The following AXIN1 variants were observed in gnomAD, a reference collection of about 807,000 sequenced individuals.
AXIN1 encodes axin 1.
Under a neutral mutation model 76.4 loss-of-function variants are expected in AXIN1, and 30 were observed. The ratio of observed to expected loss-of-function variants is 0.39; its 90% confidence interval spans 0.29 to 0.53. AXIN1 has a LOEUF of 0.53. Ranked by LOEUF, AXIN1 falls within the 20% of genes least tolerant of loss-of-function variation. AXIN1 has a pLI of 0.66. For missense variants in AXIN1, 1,140 were observed against 1,198.8 expected (o/e 0.95, Z 0.72); for synonymous variants, 545 against 501.4 (o/e 1.09, Z -1.16).
In AXIN1 at chr16:291,269, G is replaced by C. The variant is rs371093196; in HGVS notation, c.2215C>G (p.Arg739Gly). ...RYVQEVMRRG[R>G]ACVRPACAPV... Reference sequence around the variant, plus strand: ...GCGCACGCTGGCCTGACGCAGGCGCGTCCCCGCCGCATAACCTCCTGCACA... The same window carrying C: ...GCGCACGCTGGCCTGACGCAGGCGCCTCCCCGCCGCATAACCTCCTGCACA... Residue 739 changes from arginine (R) to glycine (G), a missense_variant, in exon 9 of 11, where the codon CGC (arginine) becomes GGC (glycine). Coordinates refer to ENST00000262320, the MANE Select transcript of AXIN1 (RefSeq NM_003502.4). 3.2e-6 allele frequency: 5 copies of C among 1,578,802 alleles called. No individual in the cohort carries two copies. The highest frequency in any genetic ancestry group is 4.3e-6 in the Non-Finnish European group (5 of 1,162,908).
In AXIN1 at chr16:287,832, G is replaced by A; in HGVS notation, c.*290C>T. 1.9e-6 allele frequency: 1 copy of A among 526,396 alleles called. No homozygotes were observed. The highest frequency in any genetic ancestry group is 3.3e-5 in the East Asian group (1 of 30,742). 32.6% of individuals were successfully genotyped at this position (526,396 alleles called of 1,614,324 possible). On this transcript the variant is annotated 3_prime_UTR_variant, in exon 11 of 11. Transcript: ENST00000262320. The stretch of plus-strand genomic sequence containing the variant: ...CCAAGGGAGGTGCCGGGGGATGGGG[G>A]GGGGTCACCTGAAGCTGGCAGCAGG...
chr16:341,464 C>T (rs1287787387), intron 2 of AXIN1, among the ~76,000 whole-genome samples: 4 of 152,256 alleles, frequency 2.6e-5, no homozygotes, highest in African/African-American at 9.6e-5. Context: ...ACCGGAGCTG[C>T]GCTCAATTTC....
chr16:295,528 G>A lies in AXIN1; in HGVS notation c.1955+1528C>T, dbSNP rs182613693. 2.4e-4 allele frequency among the ~76,000 whole-genome samples: 37 copies of A among 151,918 alleles called. No homozygotes were observed. In the East Asian group the frequency reaches 7.1e-3, roughly 29 times the overall value. On this transcript the variant is annotated intron_variant, in intron 7 of 10. Coordinates refer to ENST00000262320, the MANE Select transcript of AXIN1 (RefSeq NM_003502.4). ...ATTACACCACTGCACTTCAGCCAGGGTGACAGAGGGAGACTCTGTCGCAAA... is the reference window on the plus strand; with the variant it reads ...ATTACACCACTGCACTTCAGCCAGGATGACAGAGGGAGACTCTGTCGCAAA...
intron 2 of AXIN1, among the ~76,000 whole-genome samples, chr16:323,697 T>C (rs997095176): frequency 6.6e-6 from 1 of 151,376 alleles, no homozygotes; most frequent in Admixed American, 6.6e-5. Flanking sequence ...AGGAGAATTA[T>C]GTGAACCCGG....
At chr16:321,538 C>G (rs1440837822) in intron 2 of AXIN1, among the ~76,000 whole-genome samples, 1 of 152,256 alleles carries the variant, frequency 6.6e-6, no homozygotes, top group Non-Finnish European at 1.5e-5. Context: ...CAACTCACGA[C>G]AAGGCTGTGT....
intron 2 of AXIN1, among the ~76,000 whole-genome samples, chr16:345,243 G>C (rs771985267): frequency 2.0e-4 from 31 of 152,278 alleles, no homozygotes; most frequent in Non-Finnish European, 3.7e-4. Context: ...CAGGGTCCAG[G>C]CTGCTGTGGA....
chr16:293,773 C>CA lies in AXIN1; in HGVS notation c.1956-56_1956-55insT. 6.4e-7 allele frequency: 1 copy of CA among 1,554,908 alleles called. No individual in the cohort carries two copies. Among genetic ancestry groups the CA allele is most frequent in the Non-Finnish European group, 8.8e-7 (1 of 1,132,432 alleles). On this transcript the variant is annotated intron_variant, in intron 7 of 10. Transcript: ENST00000262320. The surrounding 1 kb of genome is among the most constrained non-coding windows in gnomAD (Gnocchi z 4.6). ...GTGGCCGACACCCTGGCCAGGTGGC[C>CA]TGGTGGGGCTACACTCATCTCACAA... is the stretch of plus-strand genomic sequence containing the variant.
rs935732876 is a variant in AXIN1 at position 306,408 on chromosome 16, G to C, written c.1117-1967C>G. Among the ~76,000 whole-genome samples the C allele has an allele frequency of 1.5e-4, 23 of 152,312 alleles. No homozygotes were observed. In the East Asian group the frequency reaches 2.9e-3, roughly 19 times the overall value. On this transcript the variant is annotated intron_variant, in intron 4 of 10. Coordinates refer to ENST00000262320, the MANE Select transcript of AXIN1 (RefSeq NM_003502.4). ...GGCCGCCAGTGTCTAAGCCGCGGAG[G>C]GATGCAGCCAGGGACAGCTCCCCTG...
chr16:345,372 C>G (rs1381156359), intron 2 of AXIN1, among the ~76,000 whole-genome samples: 2 of 152,192 alleles, frequency 1.3e-5, no homozygotes, highest in African/African-American at 4.8e-5. Flanking sequence ...TAAAACGTCC[C>G]CCCTGCTATT....
At chr16:307,236 A>G (rs1435139352) in intron 4 of AXIN1, among the ~76,000 whole-genome samples, 2 of 152,074 alleles carry the variant, frequency 1.3e-5, no homozygotes, top group Admixed American at 1.3e-4. Flanking sequence ...CAACAGGAGC[A>G]CTCATGCCGC....
chr16:345,478 G>A (rs1205546074), intron 2 of AXIN1, among the ~76,000 whole-genome samples: 1 of 152,234 alleles, frequency 6.6e-6, no homozygotes, highest in Non-Finnish European at 1.5e-5. Flanking sequence ...ACTTTGGGAG[G>A]CCGAGGCAGG....
intron 1 of AXIN1, among the ~76,000 whole-genome samples, chr16:349,567 C>G (rs180915007): frequency 7.0e-4 from 106 of 152,334 alleles, no homozygotes; most frequent in Non-Finnish European, 1.1e-3. Flanking sequence ...CCACAAGTCA[C>G]CATCATGCTC....
At chr16:308,132 G>C (rs2053077126) in intron 4 of AXIN1, among the ~76,000 whole-genome samples, 1 of 152,214 alleles carries the variant, frequency 6.6e-6, no homozygotes, top group South Asian at 2.1e-4. Context: ...GAACGCAGCA[G>C]GGCCTGCTCC....
At chr16:345,421 A>G (rs1443407709) in intron 2 of AXIN1, among the ~76,000 whole-genome samples, 3 of 152,250 alleles carry the variant, frequency 2.0e-5, no homozygotes, top group African/African-American at 7.2e-5. Flanking sequence ...ATCATTATAA[A>G]AGCAATAATC....
chr16:351,064 G>A lies in AXIN1; in HGVS notation c.-82+1305C>T, dbSNP rs373944078. Reference sequence around the variant, plus strand: ...GGAGAATCGCTTGAACCTGGGAGGCGGAGGATGCGGTGAGCGGAGATCACG... The same window carrying A: ...GGAGAATCGCTTGAACCTGGGAGGCAGAGGATGCGGTGAGCGGAGATCACG... On this transcript the variant is annotated intron_variant, in intron 1 of 10. Coordinates refer to ENST00000262320, the MANE Select transcript of AXIN1 (RefSeq NM_003502.4). 3.9e-4 allele frequency among the ~76,000 whole-genome samples: 60 copies of A among 151,940 alleles called. 2 individuals are homozygous for A. In the South Asian group the frequency reaches 0.012, roughly 31 times the overall value.
intron 2 of AXIN1, among the ~76,000 whole-genome samples, chr16:340,568 C>T (rs2053896525): frequency 6.6e-6 from 1 of 152,262 alleles, no homozygotes; most frequent in Admixed American, 6.5e-5. Flanking sequence ...TCCCGCCCAA[C>T]ACTCAGTCAA....
At chr16:349,216 T>A (rs1172198519) in intron 1 of AXIN1, among the ~76,000 whole-genome samples, 3 of 152,230 alleles carry the variant, frequency 2.0e-5, no homozygotes, top group Non-Finnish European at 4.4e-5. Flanking sequence ...AGCTAAGGAC[T>A]TTTTGTGAAC....
At chr16:326,822 G>C (rs983481230) in intron 2 of AXIN1, among the ~76,000 whole-genome samples, 3 of 151,868 alleles carry the variant, frequency 2.0e-5, no homozygotes, top group Admixed American at 6.6e-5. Flanking sequence ...CAGGGATGTG[G>C]CCTCTGCCTG....
rs1374631048 is a variant in AXIN1 at position 287,835 on chromosome 16, G to GT, written c.*286_*287insA. 45 of 529,922 alleles carry GT rather than the reference G, an allele frequency of 8.5e-5. No homozygotes were observed. The highest frequency in any genetic ancestry group is 1.5e-4 in the Non-Finnish European group (44 of 290,824). The allele number at this position is 529,922 out of a possible 1,614,324, so 32.8% of individuals were successfully genotyped here. ...AGGGAGGTGCCGGGGGATGGGGGGGGGTCACCTGAAGCTGGCAGCAGGGAC... is the reference window on the plus strand; with the variant it reads ...AGGGAGGTGCCGGGGGATGGGGGGGGTGTCACCTGAAGCTGGCAGCAGGGAC... On this transcript the variant is annotated 3_prime_UTR_variant, in exon 11 of 11. Transcript: ENST00000262320.
Sources: gnomAD v4.1 joint callset for allele counts (sites outside exome capture counted in the v4.1 genomes callset) on GRCh38, gnomAD v4.1.1 for gene constraint, Gnocchi (gnomAD v3.1) non-coding constraint, MANE v1.5 for transcripts, NCBI Gene and HGNC (gene_info 2026-07-23, HGNC 2026-07-21) for gene names.